Variants in NRG3 observed in about 807,000 individuals in gnomAD.
NRG3 encodes the protein pro-neuregulin-3, membrane-bound isoform.
In NRG3, 31 loss-of-function variants were observed where a neutral mutation model predicts 66.9. The ratio of observed to expected loss-of-function variants is 0.46; its 90% CI spans 0.35 to 0.63. NRG3 has a LOEUF of 0.63. Among genes scored for constraint, NRG3 ranks in the 20% least tolerant of loss-of-function variants. NRG3 has a pLI of 0.00. For synonymous variants in NRG3, 393 were observed against 359.4 expected, an observed-to-expected ratio of 1.09 and a Z score of -1.06; for missense variants, 910 against 878.9, an observed-to-expected ratio of 1.04 and a Z score of -0.45.
intron 2 of NRG3, among the ~76,000 whole-genome samples, chr10:82,418,933 G>A (rs1320873859): frequency 2.0e-5 from 3 of 152,016 alleles, no homozygotes; most frequent in African/African-American, 4.8e-5. Flanking sequence ...AACTTTTCCT[G>A]AAGATTTACT....
intron 1 of NRG3, among the ~76,000 whole-genome samples, chr10:81,956,513 A>G (rs1435656380): frequency 6.6e-6 from 1 of 152,164 alleles, no homozygotes; most frequent in Non-Finnish European, 1.5e-5. Flanking sequence ...TTGCAAGATA[A>G]TGCATTAGCC....
intron 4 of NRG3, among the ~76,000 whole-genome samples, chr10:82,901,937 T>C (rs1398595157): frequency 6.6e-6 from 1 of 152,232 alleles, no homozygotes; most frequent in Non-Finnish European, 1.5e-5. Context: ...ATTTAAAGTA[T>C]ACCCCTTATA....
At chr10:82,686,937 C>T (rs139550053) in intron 2 of NRG3, among the ~76,000 whole-genome samples, 116 of 152,202 alleles carry the variant, frequency 7.6e-4, no homozygotes, top group African/African-American at 2.6e-3. Flanking sequence ...CAGTGAATAA[C>T]GGGTTATGGG....
chr10:82,374,435 G>T (rs1471670454), intron 2 of NRG3, among the ~76,000 whole-genome samples: 2 of 152,144 alleles, frequency 1.3e-5, no homozygotes, highest in Non-Finnish European at 2.9e-5. Flanking sequence ...ATCACCAAAG[G>T]CCATGGTTAT....
chr10:82,257,508 G>C (rs2134166256), intron 1 of NRG3, among the ~76,000 whole-genome samples: 3 of 152,286 alleles, frequency 2.0e-5, no homozygotes, highest in African/African-American at 7.2e-5. Flanking sequence ...GGTGGCTCAT[G>C]CCTGTAATCC....
At chr10:82,888,401 A>G (rs1325358936) in intron 4 of NRG3, among the ~76,000 whole-genome samples, 2 of 152,208 alleles carry the variant, frequency 1.3e-5, no homozygotes, top group East Asian at 1.9e-4. Flanking sequence ...GTAAATGCTC[A>G]TATCCATTGA....
At chr10:82,079,169 C>T (rs1053148863) in intron 1 of NRG3, among the ~76,000 whole-genome samples, 10 of 151,878 alleles carry the variant, frequency 6.6e-5, no homozygotes, top group Non-Finnish European at 1.0e-4. Flanking sequence ...CTCAGCCTCC[C>T]GAATAGCTGG....
Position 82,963,679 on chromosome 10 carries a change from C to CAA in NRG3, c.1284+4612_1284+4613dup, listed in dbSNP as rs11383204. Among the ~76,000 whole-genome samples the CAA allele has an allele frequency of 1.3e-4, 19 of 149,922 alleles. No individual in the cohort carries two copies. The South Asian group carries it at 1.7e-3, about 13-fold the overall frequency. On this transcript the variant is annotated intron_variant, in intron 6 of 8. Coordinates refer to ENST00000372141, the MANE Select transcript of NRG3 (RefSeq NM_001010848.4). ...TGGGTGACAGAGCGAGACAACGTCT[C>CAA]AAAAAAAAATAAAAAAGAATTTGCG...
At chr10:82,474,806 T>C (rs1469770158) in intron 2 of NRG3, among the ~76,000 whole-genome samples, 2 of 152,114 alleles carry the variant, frequency 1.3e-5, no homozygotes, top group Admixed American at 1.3e-4. Flanking sequence ...AGAGAGAGTG[T>C]ACCTATATTA....
intron 1 of NRG3, among the ~76,000 whole-genome samples, chr10:82,056,823 T>C (rs1449292581): frequency 1.3e-5 from 2 of 152,212 alleles, no homozygotes; most frequent in Non-Finnish European, 2.9e-5. Flanking sequence ...TTTCTGACTT[T>C]TGTGTTTGCT....
At chr10:82,098,035 AT>A (rs923089406) in intron 1 of NRG3, among the ~76,000 whole-genome samples, 5 of 142,830 alleles carry the variant, frequency 3.5e-5, no homozygotes, top group African/African-American at 1.3e-4. Flanking sequence ...TGAGCTAACA[AT>A]GTAGTCTGCC....
chr10:82,320,775 G>T (rs1303710448), intron 1 of NRG3, among the ~76,000 whole-genome samples: 1 of 152,116 alleles, frequency 6.6e-6, no homozygotes, highest in Non-Finnish European at 1.5e-5. Context: ...CCCAAGCCTA[G>T]AAACCTGTGG....
At chr10:82,337,346 T>C (rs142857951) in intron 1 of NRG3, among the ~76,000 whole-genome samples, 1 of 152,366 alleles carries the variant, frequency 6.6e-6, no homozygotes, top group African/African-American at 2.4e-5. Context: ...AAATAATGTC[T>C]TTTATTAGTG....
At chr10:81,974,500 A>G (rs926864602) in intron 1 of NRG3, among the ~76,000 whole-genome samples, 25 of 152,226 alleles carry the variant, frequency 1.6e-4, no homozygotes, top group African/African-American at 6.0e-4. Flanking sequence ...AGCAGCTCTA[A>G]AATCCCCCTC....
chr10:82,457,633 C>T (rs2091328978), intron 2 of NRG3, among the ~76,000 whole-genome samples: 1 of 152,134 alleles, frequency 6.6e-6, no homozygotes, highest in African/African-American at 2.4e-5. Context: ...GTGAGCTGAA[C>T]CAAACTCCAC....
intron 6 of NRG3, among the ~76,000 whole-genome samples, chr10:82,961,997 T>A (rs1349188240): frequency 6.6e-6 from 1 of 152,250 alleles, no homozygotes. Context: ...ACAAATGAAT[T>A]GTCTGGCTCT....
chr10:82,985,219 A>T lies in NRG3; in HGVS notation c.1705A>T (p.Thr569Ser). ...EQKDLVGYSS[T>S]RASSVPIIPS... ...AAAGGACCTGGTGGGCTATTCATCC[A>T]CAAGGGCCAGTTCTGTGCCCATCAT... Residue 569 changes from threonine (T) to serine (S), a missense_variant, in exon 9 of 9, where the codon ACA (threonine) becomes TCA (serine). Transcript: ENST00000372141. The T allele has an allele frequency of 6.2e-7, 1 of 1,614,170 alleles. No homozygotes were observed.
At chr10:82,306,167 A>G (rs954495458) in intron 1 of NRG3, among the ~76,000 whole-genome samples, 6 of 152,126 alleles carry the variant, frequency 3.9e-5, no homozygotes, top group Non-Finnish European at 5.9e-5. Context: ...TTATTGAACT[A>G]TGCTTGGATT....
chr10:82,686,187 T>A (rs1010515412), intron 2 of NRG3, among the ~76,000 whole-genome samples: 25 of 152,080 alleles, frequency 1.6e-4, no homozygotes, highest in African/African-American at 7.2e-5. Context: ...CTTTTTTTTT[T>A]TTATTTTTTA....
Sources: allele counts gnomAD v4.1 joint callset (sites outside exome capture counted in the v4.1 genomes callset), GRCh38; gene constraint gnomAD v4.1.1; transcripts MANE v1.5; gene names NCBI Gene and HGNC (gene_info 2026-07-23, HGNC 2026-07-21).